SDHB: variants seen among roughly 807,000 people sequenced by gnomAD.
SDHB encodes the protein succinate dehydrogenase [ubiquinone] iron-sulfur subunit, mitochondrial.
A neutral mutation model predicts 39.7 loss-of-function variants in SDHB; 21 were observed. The ratio of observed to expected loss-of-function variants is 0.53; its 90% confidence interval spans 0.37 to 0.76. SDHB has a LOEUF of 0.76. Among genes scored for constraint, SDHB ranks in the 30% least tolerant of loss-of-function variants. The pLI, the probability that SDHB is intolerant of heterozygous loss-of-function variation, is 0.00. For synonymous variants in SDHB, 118 were observed against 117.0 expected, an observed-to-expected ratio of 1.01 and a Z score of -0.06; for missense variants, 343 against 350.9, an observed-to-expected ratio of 0.98 and a Z score of 0.18.
intron 1 of SDHB, among the ~76,000 whole-genome samples, chr1:17,048,261 C>CT (rs529607595): frequency 6.6e-6 from 1 of 152,154 alleles, no homozygotes; most frequent in Non-Finnish European, 1.5e-5. Context: ...TTGGAATTGG[C>CT]TTTTTTTATT....
At chr1:17,031,068 C>T (rs1452281835) in intron 3 of SDHB, among the ~76,000 whole-genome samples, 4 of 151,420 alleles carry the variant, frequency 2.6e-5, no homozygotes, top group African/African-American at 7.3e-5. Flanking sequence ...GGATCACAGG[C>T]GTGAGCCACT....
intron 1 of SDHB, among the ~76,000 whole-genome samples, chr1:17,045,623 AAAG>A (rs1348380795): frequency 6.6e-6 from 1 of 152,144 alleles, no homozygotes; most frequent in African/African-American, 2.4e-5. Flanking sequence ...AAAAAGAAAA[AAAG>A]AAAGAAAAGA....
intron 2 of SDHB, among the ~76,000 whole-genome samples, chr1:17,039,282 T>A (rs2078066223): frequency 6.6e-6 from 1 of 151,842 alleles, no homozygotes; most frequent in Non-Finnish European, 1.5e-5. Flanking sequence ...TCTCTTTGCA[T>A]TTAAAAAAAT....
intron 3 of SDHB, among the ~76,000 whole-genome samples, chr1:17,029,093 G>GTTTTT (rs746243819): frequency 0.081 from 5,796 of 71,900 alleles, 607 homozygotes; most frequent in East Asian, 0.16. Context: ...AAATCAGCCT[G>GTTTTT]TTTTTTTTTT....
intron 3 of SDHB, among the ~76,000 whole-genome samples, chr1:17,030,639 T>C (rs927001178): frequency 1.3e-5 from 2 of 152,102 alleles, no homozygotes; most frequent in African/African-American, 4.8e-5. Flanking sequence ...TTGAAGATCA[T>C]TAGGTCAGAG....
At chr1:17,051,681 CA>C (rs2078148504) in intron 1 of SDHB, among the ~76,000 whole-genome samples, 1 of 118,330 alleles carries the variant, frequency 8.5e-6, no homozygotes, top group African/African-American at 3.2e-5. Flanking sequence ...ATATCTGCCT[CA>C]TAAGATAACC....
At chr1:17,039,415 CAA>C (rs34561776) in intron 2 of SDHB, among the ~76,000 whole-genome samples, 4 of 86,360 alleles carry the variant, frequency 4.6e-5, no homozygotes, top group Non-Finnish European at 2.1e-5. Context: ...CCTGTCTCTA[CAA>C]AAAAAAAAAA....
chr1:17,035,275 A>T (rs771175023), intron 2 of SDHB, among the ~76,000 whole-genome samples: 6 of 152,134 alleles, frequency 3.9e-5, no homozygotes, highest in Non-Finnish European at 7.4e-5. Flanking sequence ...GAGGTCTGAT[A>T]AATACTTTAC....
In SDHB at chr1:17,044,784, C is replaced by G. The variant is rs1277374324; in HGVS notation, c.177G>C (p.Gln59His). 14 of 1,614,062 alleles carry G rather than the reference C, an allele frequency of 8.7e-6. No individual in the cohort carries two copies. The highest frequency in any genetic ancestry group is 1.6e-4 in the Middle Eastern group (1 of 6,062). ...PDKAGDKPHM[Q>H]TYEVDLNKCG... ...ACTTATTAAGGTCAACTTCATAAGTCTGCATATGAGGTTTGTCTCCAGCCT... is the reference window on the plus strand; with the variant it reads ...ACTTATTAAGGTCAACTTCATAAGTGTGCATATGAGGTTTGTCTCCAGCCT... Residue 59 changes from glutamine to histidine, a missense_variant, in exon 2 of 8, where the codon CAG becomes CAC. Gln to His is a conservative substitution (Grantham distance 24, BLOSUM62 0). Coordinates refer to ENST00000375499, the MANE Select transcript of SDHB (RefSeq NM_003000.3).
chr1:17,022,779 C>A (rs201843552), intron 6 of SDHB, 49 bp from the exon 7 acceptor site: 2 of 1,591,062 alleles, frequency 1.3e-6, no homozygotes, highest in Admixed American at 1.8e-5. Context: ...CAGGCCAGAG[C>A]GGCACCCTGG....
chr1:17,033,903 G>A (rs776988278), intron 2 of SDHB, among the ~76,000 whole-genome samples: 2 of 152,206 alleles, frequency 1.3e-5, no homozygotes, highest in African/African-American at 2.4e-5. Flanking sequence ...TGCAGAAACT[G>A]TGATTCTACG....
chr1:17,047,549 G>A (rs542775601), intron 1 of SDHB, among the ~76,000 whole-genome samples: 11 of 152,088 alleles, frequency 7.2e-5, no homozygotes, highest in Admixed American at 3.3e-4. Flanking sequence ...AGGGTGTGGT[G>A]GCGTGTGCCT....
chr1:17,043,004 C>T (rs1471798554), intron 2 of SDHB, among the ~76,000 whole-genome samples: 2 of 124,618 alleles, frequency 1.6e-5, no homozygotes, highest in African/African-American at 6.0e-5. Flanking sequence ...CTCTGTCACC[C>T]AGGCTGGAGT....
rs756970539 is a variant in SDHB at position 17,051,699 on chromosome 1, AG to A, written c.72+2248del. ...TCTGCCTCATAAGATAACCCGGGGG[AG>A]GGGGGGTCAAGTTTCTAGCATAGCC... On this transcript the variant is annotated intron_variant, in intron 1 of 7. Transcript: ENST00000375499. 6.2e-5 allele frequency among the ~76,000 whole-genome samples: 5 copies of A among 80,016 alleles called. No homozygotes were observed. The South Asian group carries it at 1.8e-3, about 29-fold the overall frequency. 52.5% of individuals were successfully genotyped at this position (80,016 alleles called of 152,430 possible).
intron 2 of SDHB, among the ~76,000 whole-genome samples, chr1:17,037,704 G>A (rs1026312301): frequency 1.3e-5 from 2 of 152,174 alleles, no homozygotes; most frequent in Admixed American, 1.3e-4. Context: ...TCATCTGCCT[G>A]CTTTGGCCTC....
intron 3 of SDHB, 139 bp downstream of exon 3, chr1:17,032,921 A>G: frequency 1.4e-6 from 1 of 724,768 alleles, no homozygotes; most frequent in Non-Finnish European, 2.5e-6. Context: ...TTTACCCAAG[A>G]AAAGGAATTA....
chr1:17,048,883 A>G (rs925396999), intron 1 of SDHB, among the ~76,000 whole-genome samples: 2 of 151,510 alleles, frequency 1.3e-5, no homozygotes, highest in Non-Finnish European at 2.9e-5. Flanking sequence ...GCTAATTTTT[A>G]TATTTTTAGT....
chr1:17,050,667 A>AAT (rs1363938597), intron 1 of SDHB, among the ~76,000 whole-genome samples: 2 of 152,020 alleles, frequency 1.3e-5, no homozygotes, highest in Non-Finnish European at 2.9e-5. Flanking sequence ...AAAAAAAAAA[A>AAT]AAATGTATTT....
At chr1:17,043,158 A>C (rs2078090865) in intron 2 of SDHB, among the ~76,000 whole-genome samples, 1 of 151,840 alleles carries the variant, frequency 6.6e-6, no homozygotes, top group Non-Finnish European at 1.5e-5. Context: ...ATGGGGTTTC[A>C]CCATGTTGGC....
Sources: allele counts gnomAD v4.1 joint callset (sites outside exome capture counted in the v4.1 genomes callset), GRCh38; gene constraint gnomAD v4.1.1; transcripts MANE v1.5; gene names NCBI Gene and HGNC (gene_info 2026-07-23, HGNC 2026-07-21).